MYOF: variants seen among roughly 807,000 people sequenced by gnomAD.
MYOF encodes the protein myoferlin.
Under a neutral mutation model 284.2 loss-of-function variants are expected in MYOF, and 244 were observed. The ratio of observed to expected loss-of-function variants is 0.86; its 90% CI spans 0.77 to 0.95. The LOEUF is 0.95. Among genes scored for constraint, MYOF ranks in the 40% least tolerant of loss-of-function variants. MYOF has a pLI of 0.00. For synonymous variants in MYOF, 904 were observed against 919.7 expected (o/e 0.98, Z 0.31); for missense variants, 2,496 against 2,560.6 (o/e 0.97, Z 0.54).
chr10:93,323,599 C>A (rs1842926417), intron 46 of MYOF: 3 of 523,448 alleles, frequency 5.7e-6, no homozygotes, highest in Non-Finnish European at 1.0e-5. Context: ...ACATGCCCAC[C>A]TGTATCATAG....
In MYOF at chr10:93,356,671, T is replaced by G; in HGVS notation, c.3294+4A>C. 2 of 1,611,992 alleles carry G rather than the reference T, an allele frequency of 1.2e-6. No individual in the cohort carries two copies. The highest frequency in any genetic ancestry group is 2.2e-5 in the South Asian group (2 of 90,528). On this transcript the variant is annotated splice_donor_region_variant and intron_variant, in intron 30 of 53. Coordinates refer to ENST00000359263, the MANE Select transcript of MYOF (RefSeq NM_013451.4). ...GATCTGCGCTCTGGCAACCTAGTAC[T>G]TACAAGGGCACCTTCAAGTTTAAAG... is the stretch of plus-strand genomic sequence containing the variant.
chr10:93,400,835 C>T lies in MYOF; in HGVS notation c.1117+583G>A, dbSNP rs189040397. ...CAGACTTCTAGTCATTGGGACATTA[C>T]TACCCTTTGCTCAGCATGTTTTTTT... On this transcript the variant is annotated intron_variant, in intron 12 of 53. Transcript: ENST00000359263. Among the ~76,000 whole-genome samples the T allele has an allele frequency of 8.0e-4, 119 of 149,304 alleles. No individual in the cohort carries two copies. The East Asian group carries it at 0.014, about 17-fold the overall frequency.
chr10:93,386,259 A>G (rs1335636706), intron 19 of MYOF, among the ~76,000 whole-genome samples: 1 of 151,974 alleles, frequency 6.6e-6, no homozygotes, highest in Non-Finnish European at 1.5e-5. Flanking sequence ...TAGCATGCAA[A>G]CTGTCCCTTT....
At chr10:93,445,336 T>C (rs142607376) in intron 3 of MYOF, among the ~76,000 whole-genome samples, 108 of 152,246 alleles carry the variant, frequency 7.1e-4, no homozygotes, top group Middle Eastern at 3.4e-3. Flanking sequence ...GAGGATCAAT[T>C]GGGGTAATGA....
chr10:93,374,015 C>T (rs1564660283), intron 23 of MYOF, among the ~76,000 whole-genome samples: 1 of 152,178 alleles, frequency 6.6e-6, no homozygotes, highest in Non-Finnish European at 1.5e-5. Context: ...CCCCCAGCCC[C>T]CTATCCCGCT....
chr10:93,386,963 A>G (rs556238005), intron 19 of MYOF, among the ~76,000 whole-genome samples: 2 of 152,156 alleles, frequency 1.3e-5, no homozygotes, highest in African/African-American at 4.8e-5. Flanking sequence ...CAGTCCTGCC[A>G]CAAGGAGACA....
intron 17 of MYOF, among the ~76,000 whole-genome samples, chr10:93,389,417 G>C (rs1220101910): frequency 6.6e-6 from 1 of 152,186 alleles, no homozygotes; most frequent in African/African-American, 2.4e-5. Flanking sequence ...AGAGCAATTA[G>C]ACTTTGAAGT....
intron 2 of MYOF, among the ~76,000 whole-genome samples, chr10:93,453,912 G>A (rs2056665161): frequency 2.0e-5 from 3 of 152,146 alleles, no homozygotes; most frequent in East Asian, 1.9e-4. Context: ...GCCGGGCGCA[G>A]TGGCTCATGC....
chr10:93,397,753 A>G (rs371679641), intron 13 of MYOF, among the ~76,000 whole-genome samples: 1 of 151,926 alleles, frequency 6.6e-6, no homozygotes, highest in Non-Finnish European at 1.5e-5. Flanking sequence ...CATTTGTTAC[A>G]TACCGTTTGG....
chr10:93,351,459 G>T lies in MYOF; in HGVS notation c.3776C>A (p.Ala1259Asp), dbSNP rs1356382903. 3 of 1,614,082 alleles carry T rather than the reference G, an allele frequency of 1.9e-6. No individual in the cohort carries two copies. Among genetic ancestry groups the T allele is most frequent in the South Asian group, 1.1e-5 (1 of 91,088 alleles). Residue 1259 changes from alanine (A) to aspartate (D), a missense_variant, in exon 34 of 54, where the codon GCC becomes GAC. Ala to Asp is a moderately radical substitution (Grantham distance 126). This residue lies in a region of MYOF where 2,436 missense variants were observed against 2,480.7 expected (regional missense o/e 0.98). Transcript: ENST00000359263. ...TGCAGTTACAAGAACATCCCCGCAG[G>T]CTTTGTCTCCATTCATTACTGGGTG... The part of the protein sequence containing the change: ...LWHPVMNGDK[A>D]CGDVLVTAEL...
intron 50 of MYOF, among the ~76,000 whole-genome samples, chr10:93,314,602 C>T (rs116643031): frequency 1.3e-5 from 2 of 152,158 alleles, no homozygotes; most frequent in African/African-American, 4.8e-5. Flanking sequence ...CAGGGACTAC[C>T]CTTCAGCATA....
At chr10:93,345,241 C>CTA (rs1844134354) in intron 37 of MYOF, among the ~76,000 whole-genome samples, 1 of 152,318 alleles carries the variant, frequency 6.6e-6, no homozygotes, top group Non-Finnish European at 1.5e-5. Context: ...CATGACCTCA[C>CTA]TTAGTACCTC....
At chr10:93,325,293 C>G (rs144577536) in intron 46 of MYOF, among the ~76,000 whole-genome samples, 1 of 152,156 alleles carries the variant, frequency 6.6e-6, no homozygotes, top group Middle Eastern at 3.2e-3. Context: ...GTGGAATGTC[C>G]CCCATTGCTA....
At chr10:93,337,481 G>T in intron 40 of MYOF, 1 of 249,648 alleles carries the variant, frequency 4.0e-6, no homozygotes, top group Non-Finnish European at 7.7e-6. Context: ...GTGTCATTCT[G>T]CAAAGAGCAC....
At chr10:93,464,836 G>C (rs995643675) in intron 1 of MYOF, among the ~76,000 whole-genome samples, 16 of 152,074 alleles carry the variant, frequency 1.1e-4, no homozygotes, top group Non-Finnish European at 1.8e-4. Context: ...AGAACAACAA[G>C]ATCTCTAGGT....
At chr10:93,451,067 C>T (rs114856134) in intron 3 of MYOF, among the ~76,000 whole-genome samples, 1,634 of 152,222 alleles carry the variant, frequency 0.011, 29 homozygotes, top group African/African-American at 0.038. Flanking sequence ...CAGCTGGGCA[C>T]GGTAGCTCAC....
Position 93,412,829 on chromosome 10 carries a change from A to G in MYOF, c.434-3090T>C, listed in dbSNP as rs536732282. 3.3e-5 allele frequency among the ~76,000 whole-genome samples: 5 copies of G among 152,334 alleles called. No individual in the cohort carries two copies. The South Asian group carries it at 1.0e-3, about 32-fold the overall frequency. On this transcript the variant is annotated intron_variant, in intron 5 of 53. Coordinates refer to ENST00000359263, the MANE Select transcript of MYOF (RefSeq NM_013451.4). ...AAAACTACTGAACAACTCTCAGGAA[A>G]GAACACCCAGATGGCTGAAGGGGTG...
chr10:93,333,151 CAT>C (rs1157149299), intron 43 of MYOF, 68 bp downstream of exon 43: 3 of 1,255,384 alleles, frequency 2.4e-6, no homozygotes, highest in Admixed American at 1.7e-5. Context: ...GGGTTGGACA[CAT>C]ATTAGAGTCT....
chr10:93,436,627 C>T (rs745465235), intron 3 of MYOF, among the ~76,000 whole-genome samples: 7 of 152,072 alleles, frequency 4.6e-5, no homozygotes, highest in Admixed American at 2.6e-4. Context: ...GAAGAAAATA[C>T]GCCCCATGGA....
Sources: gnomAD v4.1 joint callset for allele counts (sites outside exome capture counted in the v4.1 genomes callset) on GRCh38, gnomAD v4.1.1 for gene constraint, gnomAD v4.1.1 regional missense constraint, MANE v1.5 for transcripts, NCBI Gene and HGNC (gene_info 2026-07-23, HGNC 2026-07-21) for gene names.